The following ANO2 variants were observed in gnomAD, a reference collection of about 807,000 sequenced individuals.
ANO2 encodes the protein anoctamin-2.
A neutral mutation model predicts 124.2 loss-of-function variants in ANO2; 101 were observed. The ratio of observed to expected loss-of-function variants is 0.81; its 90% confidence interval spans 0.69 to 0.96. The LOEUF (loss-of-function observed/expected upper bound fraction) is 0.96, where lower values mean the gene tolerates loss of function less well. Ranked by LOEUF, ANO2 falls within the 40% of genes least tolerant of loss-of-function variation. ANO2 has a pLI of 0.00. For missense variants in ANO2, 1,293 were observed against 1,274.5 expected (o/e 1.01, Z -0.22); for synonymous variants, 486 against 482.5 (o/e 1.01, Z -0.09).
At chr12:5,600,989 C>T (rs1401553892) in intron 19 of ANO2, among the ~76,000 whole-genome samples, 1 of 152,156 alleles carries the variant, frequency 6.6e-6, no homozygotes, top group Non-Finnish European at 1.5e-5. Context: ...TGATCAGTTT[C>T]TGGTCTAATA....
chr12:5,650,188 C>T (rs1027230877), intron 14 of ANO2, among the ~76,000 whole-genome samples: 2 of 152,140 alleles, frequency 1.3e-5, no homozygotes, highest in African/African-American at 4.8e-5. Context: ...GAAGGTTCAG[C>T]TCTGCCCAGG....
chr12:5,740,094 G>T (rs573560638), intron 12 of ANO2: 2 of 416,030 alleles, frequency 4.8e-6, no homozygotes, highest in South Asian at 1.8e-5. Context: ...GCCTTTCTCA[G>T]CATGCTCTAG....
At chr12:5,815,125 T>C (rs763103193) in intron 7 of ANO2, among the ~76,000 whole-genome samples, 1 of 152,090 alleles carries the variant, frequency 6.6e-6, no homozygotes. Context: ...AAGAAAAAAA[T>C]AAATGAGCAG....
intron 16 of ANO2, among the ~76,000 whole-genome samples, chr12:5,630,242 C>T (rs946116227): frequency 2.6e-5 from 4 of 152,186 alleles, no homozygotes; most frequent in Admixed American, 1.3e-4. Flanking sequence ...GGAAGCCAAG[C>T]GGGTGTTAAA....
At chr12:5,757,930 G>C (rs1233629845) in intron 10 of ANO2, among the ~76,000 whole-genome samples, 1 of 152,184 alleles carries the variant, frequency 6.6e-6, no homozygotes, top group African/African-American at 2.4e-5. Flanking sequence ...TCAAACACAA[G>C]AGCAGTTTGC....
At chr12:5,599,158 AT>A (rs1943806867) in intron 20 of ANO2, among the ~76,000 whole-genome samples, 2 of 152,202 alleles carry the variant, frequency 1.3e-5, no homozygotes, top group Admixed American at 6.5e-5. Context: ...AGCTTTATCA[AT>A]AATAGAAACC....
chr12:5,866,609 G>C (rs540011495), intron 3 of ANO2, among the ~76,000 whole-genome samples: 1 of 152,352 alleles, frequency 6.6e-6, no homozygotes, highest in South Asian at 2.1e-4. Flanking sequence ...TGCACATGCC[G>C]TTGTGAGCGG....
chr12:5,608,213 C>A (rs1183568704), intron 19 of ANO2, among the ~76,000 whole-genome samples: 1 of 151,518 alleles, frequency 6.6e-6, no homozygotes, highest in African/African-American at 2.4e-5. Flanking sequence ...CTGTGTCATC[C>A]ATGCCAGGTA....
At chr12:5,781,449 A>G (rs1256865993) in intron 10 of ANO2, among the ~76,000 whole-genome samples, 1 of 152,216 alleles carries the variant, frequency 6.6e-6, no homozygotes, top group African/African-American at 2.4e-5. Flanking sequence ...TGTTGGTTAC[A>G]AGATTGACAA....
intron 14 of ANO2, among the ~76,000 whole-genome samples, chr12:5,672,672 T>C (rs1006443588): frequency 2.0e-5 from 3 of 152,126 alleles, no homozygotes; most frequent in South Asian, 4.2e-4. Flanking sequence ...AATAAGAAAG[T>C]AGACAAAGCA....
intron 3 of ANO2, among the ~76,000 whole-genome samples, chr12:5,875,743 C>T (rs1227867634): frequency 6.6e-6 from 1 of 151,870 alleles, no homozygotes. Flanking sequence ...CTCAGAGAGG[C>T]TATGAATTGT....
At chr12:5,697,416 A>G (rs1949227051) in intron 14 of ANO2, among the ~76,000 whole-genome samples, 1 of 152,166 alleles carries the variant, frequency 6.6e-6, no homozygotes, top group Non-Finnish European at 1.5e-5. Context: ...TGGGCAACAG[A>G]GCAAGACTCA....
At chr12:5,697,599 C>T (rs973254933) in intron 14 of ANO2, among the ~76,000 whole-genome samples, 1 of 152,174 alleles carries the variant, frequency 6.6e-6, no homozygotes. Context: ...GCTTGTCAGA[C>T]AGTGGGTGCA....
intron 10 of ANO2, 99 bp downstream of exon 10, chr12:5,799,408 C>T: frequency 2.0e-6 from 2 of 1,018,768 alleles, no homozygotes; most frequent in Non-Finnish European, 3.0e-6. Flanking sequence ...GAAGATCCCT[C>T]CACTTGAGCA....
chr12:5,823,012 A>C (rs1953853643), intron 7 of ANO2, among the ~76,000 whole-genome samples: 1 of 152,158 alleles, frequency 6.6e-6, no homozygotes, highest in African/African-American at 2.4e-5. Context: ...GGGAAAGAAC[A>C]GGCCCCATGA....
chr12:5,599,695 A>G, intron 19 of ANO2, 66 bp from the exon 20 acceptor site: 2 of 1,540,062 alleles, frequency 1.3e-6, no homozygotes, highest in South Asian at 2.4e-5. Flanking sequence ...GCAGACAGAA[A>G]AAAGAAAAAG....
In ANO2 at chr12:5,906,074, T is replaced by C. The variant is rs1054287115; in HGVS notation, c.534+14966A>G. Among the ~76,000 whole-genome samples, 8 of 152,234 alleles carry C rather than the reference T, an allele frequency of 5.3e-5. No individual in the cohort carries two copies. The East Asian group carries it at 9.7e-4, about 18-fold the overall frequency. ...GGGAGAACCAAAGGCAATACTGCTA[T>C]TGAATGAGAGGCAGGAATTGGAGAA... On this transcript the variant is annotated intron_variant, in intron 3 of 24. Coordinates refer to ENST00000682330, the MANE Select transcript of ANO2 (RefSeq NM_001364791.2).
intron 7 of ANO2, among the ~76,000 whole-genome samples, chr12:5,824,227 C>T (rs911327907): frequency 6.6e-6 from 1 of 152,212 alleles, no homozygotes; most frequent in African/African-American, 2.4e-5. Context: ...TTGAATTTCT[C>T]CCCAGAAAAA....
intron 10 of ANO2, among the ~76,000 whole-genome samples, chr12:5,798,693 C>A (rs1020961761): frequency 6.6e-6 from 1 of 152,220 alleles, no homozygotes; most frequent in Non-Finnish European, 1.5e-5. Flanking sequence ...CTCAGCCTCC[C>A]AAGTTAGGAC....
Sources: gnomAD v4.1 joint callset for allele counts (sites outside exome capture counted in the v4.1 genomes callset) on GRCh38, gnomAD v4.1.1 for gene constraint, MANE v1.5 for transcripts, NCBI Gene and HGNC (gene_info 2026-07-23, HGNC 2026-07-21) for gene names.